The following CNTN5 variants were observed in gnomAD, a reference collection of about 807,000 sequenced individuals.
The protein encoded by CNTN5 is contactin-5.
A neutral mutation model predicts 129.1 loss-of-function variants in CNTN5; 77 were observed. The observed-to-expected ratio is 0.60, with a 90% CI of 0.50 to 0.72. The LOEUF is 0.72. Among genes scored for constraint, CNTN5 ranks in the 30% least tolerant of loss-of-function variants. The pLI is 0.00. For missense variants in CNTN5, 1,478 were observed against 1,328.8 expected (o/e 1.11, Z -1.75); for synonymous variants, 509 against 465.6 (o/e 1.09, Z -1.20).
At chr11:99,653,399 G>T (rs553246766) in intron 3 of CNTN5, among the ~76,000 whole-genome samples, 2 of 152,018 alleles carry the variant, frequency 1.3e-5, no homozygotes, top group African/African-American at 4.8e-5. Context: ...TATCCATCCA[G>T]ATTTGAGTCA....
At chr11:99,455,645 C>T (rs558420181) in intron 2 of CNTN5, among the ~76,000 whole-genome samples, 140 of 152,050 alleles carry the variant, frequency 9.2e-4, no homozygotes, top group Non-Finnish European at 1.7e-3. Flanking sequence ...CTTTAATCTT[C>T]CTTTCTTGTC....
chr11:99,465,827 C>T (rs973406881), intron 2 of CNTN5, among the ~76,000 whole-genome samples: 14 of 147,284 alleles, frequency 9.5e-5, no homozygotes, highest in Non-Finnish European at 1.8e-4. Flanking sequence ...GCATGTCTTA[C>T]GTGGCCGGAA....
intron 2 of CNTN5, among the ~76,000 whole-genome samples, chr11:99,408,440 G>T (rs1942205074): frequency 1.8e-5 from 1 of 55,402 alleles, no homozygotes; most frequent in East Asian, 3.7e-4. Flanking sequence ...AAGAAAGAAA[G>T]AAAGAAAGAG....
intron 15 of CNTN5, among the ~76,000 whole-genome samples, chr11:100,213,590 A>T (rs866949343): frequency 1.2e-4 from 18 of 152,292 alleles, no homozygotes; most frequent in South Asian, 2.1e-4. Context: ...ACTCACTTTC[A>T]AAATGTCAGT....
chr11:100,095,334 T>G (rs570952510), intron 13 of CNTN5, among the ~76,000 whole-genome samples: 2 of 152,228 alleles, frequency 1.3e-5, no homozygotes, highest in Non-Finnish European at 2.9e-5. Context: ...GGGAAGAAAT[T>G]AAAGTATGTT....
intron 3 of CNTN5, among the ~76,000 whole-genome samples, chr11:99,765,073 CT>C (rs1261215948): frequency 6.6e-6 from 1 of 151,804 alleles, no homozygotes; most frequent in Non-Finnish European, 1.5e-5. Context: ...CAGTTTTTTA[CT>C]TGTTAGATAT....
At chr11:99,338,313 T>G (rs1016708699) in intron 2 of CNTN5, among the ~76,000 whole-genome samples, 1 of 152,184 alleles carries the variant, frequency 6.6e-6, no homozygotes, top group Non-Finnish European at 1.5e-5. Context: ...TTTATTGAAT[T>G]GCATTTTGGT....
chr11:100,344,734 C>T (rs1409732995), intron 23 of CNTN5, among the ~76,000 whole-genome samples: 1 of 152,022 alleles, frequency 6.6e-6, no homozygotes, highest in Non-Finnish European at 1.5e-5. Flanking sequence ...ACACATGTAT[C>T]AAATTATCAT....
chr11:99,606,543 A>T (rs1261304022), intron 3 of CNTN5, among the ~76,000 whole-genome samples: 1 of 142,786 alleles, frequency 7.0e-6, no homozygotes, highest in Admixed American at 6.9e-5. Context: ...TACAGATTCA[A>T]TGCCATCCCC....
intron 3 of CNTN5, among the ~76,000 whole-genome samples, chr11:99,812,543 C>G (rs1946461100): frequency 1.3e-5 from 2 of 152,092 alleles, no homozygotes; most frequent in Non-Finnish European, 2.9e-5. Context: ...TTTATTTGAT[C>G]TTTACAACAA....
chr11:99,848,253 T>G (rs1408461921), intron 6 of CNTN5, among the ~76,000 whole-genome samples: 8 of 152,078 alleles, frequency 5.3e-5, no homozygotes, highest in Non-Finnish European at 1.2e-4. Flanking sequence ...GCAACTTTCC[T>G]TTACATTGAG....
intron 7 of CNTN5, among the ~76,000 whole-genome samples, chr11:99,942,709 G>T (rs979501046): frequency 1.1e-4 from 17 of 151,858 alleles, no homozygotes; most frequent in Admixed American, 1.1e-3. Flanking sequence ...CCCGGTGTAT[G>T]GTGTCCCCCT....
At chr11:99,535,886 T>C (rs1947881951) in intron 2 of CNTN5, among the ~76,000 whole-genome samples, 1 of 152,168 alleles carries the variant, frequency 6.6e-6, no homozygotes. Context: ...ATATTACTTC[T>C]TATTTGATTC....
At chr11:99,341,525 C>A (rs900766792) in intron 2 of CNTN5, among the ~76,000 whole-genome samples, 3 of 152,148 alleles carry the variant, frequency 2.0e-5, no homozygotes, top group Admixed American at 2.0e-4. Context: ...TTGGAGCAAA[C>A]CTTCATTTTC....
At chr11:100,144,450 C>G (rs894094812) in intron 13 of CNTN5, among the ~76,000 whole-genome samples, 1 of 152,012 alleles carries the variant, frequency 6.6e-6, no homozygotes, top group African/African-American at 2.4e-5. Flanking sequence ...CTTTTGCTCC[C>G]ACCTACGAGA....
intron 13 of CNTN5, among the ~76,000 whole-genome samples, chr11:100,114,363 A>G (rs1041029132): frequency 2.6e-5 from 4 of 152,146 alleles, no homozygotes; most frequent in African/African-American, 7.2e-5. Context: ...TATTTGGATC[A>G]TATTCCAAAG....
At chr11:99,259,572 G>A (rs1314085998) in intron 1 of CNTN5, among the ~76,000 whole-genome samples, 1 of 151,678 alleles carries the variant, frequency 6.6e-6, no homozygotes, top group East Asian at 1.9e-4. Context: ...TCTTTGTTTT[G>A]ACATGTTTTC....
intron 13 of CNTN5, among the ~76,000 whole-genome samples, chr11:100,184,574 C>A (rs535393114): frequency 2.0e-5 from 3 of 152,132 alleles, no homozygotes; most frequent in African/African-American, 4.8e-5. Flanking sequence ...CAGGCATGAA[C>A]TTGGAAGCAG....
chr11:99,162,400 A>G (rs1455870912), intron 1 of CNTN5, among the ~76,000 whole-genome samples: 1 of 152,144 alleles, frequency 6.6e-6, no homozygotes, highest in African/African-American at 2.4e-5. Flanking sequence ...TCTTGAGACC[A>G]TGAGGCAATA....
Sources: gnomAD v4.1 joint callset for allele counts (sites outside exome capture counted in the v4.1 genomes callset) on GRCh38, gnomAD v4.1.1 for gene constraint, MANE v1.5 for transcripts, NCBI Gene and HGNC (gene_info 2026-07-23, HGNC 2026-07-21) for gene names.